Variants in ABCD3 observed in about 807,000 individuals in gnomAD.
ABCD3 encodes ATP-binding cassette sub-family D member 3.
In ABCD3, 41 loss-of-function variants were observed where a neutral mutation model predicts 105.5. The ratio of observed to expected loss-of-function variants is 0.39; its 90% CI spans 0.30 to 0.50. The LOEUF is 0.50. Ranked by LOEUF, ABCD3 falls within the 20% of genes least tolerant of loss-of-function variation. The pLI is 0.84. For synonymous variants in ABCD3, 258 were observed against 269.0 expected (o/e 0.96, Z 0.40); for missense variants, 622 against 806.3 (o/e 0.77, Z 2.77).
the ABCD3 span, among the ~76,000 whole-genome samples, chr1:94,405,081 T>C: frequency 6.6e-6 from 1 of 152,160 alleles, no homozygotes; most frequent in Admixed American, 6.5e-5. Context: ...TGTTCAATAT[T>C]ATGCTATTTC....
upstream of ABCD3, among the ~76,000 whole-genome samples, chr1:94,414,358 T>C (rs1658962738): frequency 6.6e-6 from 1 of 152,190 alleles, no homozygotes; most frequent in African/African-American, 2.4e-5. Context: ...ATGAATTAAT[T>C]ATTTCACCTA....
chr1:94,413,244 G>C, the ABCD3 span, among the ~76,000 whole-genome samples: 2 of 151,204 alleles, frequency 1.3e-5, no homozygotes, highest in African/African-American at 4.9e-5. Flanking sequence ...GAGCAATTTT[G>C]AATTTATCCT....
chr1:94,406,686 A>AT, the ABCD3 span: 86 of 158,780 alleles, frequency 5.4e-4, no homozygotes, highest in African/African-American at 1.6e-3. Flanking sequence ...TCCTGAGAAC[A>AT]TCGTAGACTT....
intron 1 of ABCD3, among the ~76,000 whole-genome samples, chr1:94,441,867 G>A (rs1034020088): frequency 1.1e-4 from 17 of 152,268 alleles, no homozygotes; most frequent in African/African-American, 3.8e-4. Flanking sequence ...AGTAAGAACG[G>A]GGTCAAAAGG....
intron 20 of ABCD3, among the ~76,000 whole-genome samples, chr1:94,503,903 A>ATT: frequency 1.1e-5 from 1 of 92,306 alleles, no homozygotes; most frequent in African/African-American, 3.8e-5. Context: ...GGTACAAGTG[A>ATT]TTCTTTTTTT....
intron 1 of ABCD3, among the ~76,000 whole-genome samples, chr1:94,452,562 G>A (rs1647305175): frequency 6.6e-6 from 1 of 152,130 alleles, no homozygotes; most frequent in East Asian, 1.9e-4. Context: ...AAGTCATTAT[G>A]TACATATTTA....
At chr1:94,405,310 CT>C in the ABCD3 span, among the ~76,000 whole-genome samples, 57,914 of 124,454 alleles carry the variant, frequency 0.47, 11,014 homozygotes, top group Middle Eastern at 0.65. Flanking sequence ...CATTATCAAG[CT>C]TTTTTTTTTT....
At chr1:94,463,484 GCTAA>G (rs1445440040) in intron 2 of ABCD3, among the ~76,000 whole-genome samples, 1 of 152,086 alleles carries the variant, frequency 6.6e-6, no homozygotes, top group East Asian at 1.9e-4. Flanking sequence ...TTACATTATA[GCTAA>G]CTAATAGCGT....
chr1:94,401,292 A>G, the ABCD3 span, among the ~76,000 whole-genome samples: 1,250 of 152,374 alleles, frequency 8.2e-3, 14 homozygotes, highest in African/African-American at 0.028. Flanking sequence ...GTATAGTCGT[A>G]GGCCTGGTGC....
the ABCD3 span, among the ~76,000 whole-genome samples, chr1:94,395,524 G>A: frequency 6.6e-6 from 1 of 152,186 alleles, no homozygotes; most frequent in African/African-American, 2.4e-5. Context: ...GAGACAATCA[G>A]GGGAATAAGT....
At position 94,418,424 on chromosome 1, in the gene ABCD3, C is replaced by CGTA. The variant is rs1659106890; in HGVS notation, c.-54_-53insTAG. The stretch of plus-strand genomic sequence containing the variant: ...CCCGCGCTGCGTGCAGTAAGGTAGC[C>CGTA]GCCGCCGCCGCCGCCGCCGCGTCCC... On this transcript the variant is annotated 5_prime_UTR_variant, in exon 1 of 23. Coordinates refer to ENST00000370214, the MANE Select transcript of ABCD3 (RefSeq NM_002858.4). The CGTA allele has an allele frequency of 1.8e-6, 2 of 1,133,878 alleles. No individual in the cohort carries two copies. The highest frequency in any genetic ancestry group is 6.1e-5 in the East Asian group (2 of 32,830). 70.2% of individuals were successfully genotyped at this position (1,133,878 alleles called of 1,614,324 possible).
chr1:94,457,882 A>G (rs1647656949), intron 1 of ABCD3, among the ~76,000 whole-genome samples: 1 of 152,202 alleles, frequency 6.6e-6, no homozygotes, highest in Non-Finnish European at 1.5e-5. Context: ...TCAGCTTCAG[A>G]GAAACCAGCC....
At chr1:94,493,593 G>A (rs976138196) in intron 16 of ABCD3, among the ~76,000 whole-genome samples, 14 of 151,394 alleles carry the variant, frequency 9.2e-5, no homozygotes, top group Non-Finnish European at 1.5e-4. Flanking sequence ...CCATTACTGG[G>A]TATATACCCA....
the ABCD3 span, among the ~76,000 whole-genome samples, chr1:94,401,504 A>T: frequency 6.6e-6 from 1 of 152,234 alleles, no homozygotes; most frequent in South Asian, 2.1e-4. Flanking sequence ...ATTAACTGTA[A>T]ATCCCACAGG....
At chr1:94,469,572 T>C (rs1266423160) in intron 4 of ABCD3, among the ~76,000 whole-genome samples, 1 of 151,020 alleles carries the variant, frequency 6.6e-6, no homozygotes, top group Non-Finnish European at 1.5e-5. Context: ...TTCTCAGTAT[T>C]GTAATATGGT....
intron 20 of ABCD3, among the ~76,000 whole-genome samples, chr1:94,505,074 G>T (rs888562024): frequency 2.6e-5 from 4 of 152,148 alleles, no homozygotes; most frequent in African/African-American, 7.2e-5. Flanking sequence ...GAAGGGAATG[G>T]ATTTTAGAGG....
chr1:94,391,599 A>G, the ABCD3 span, among the ~76,000 whole-genome samples: 1 of 88,610 alleles, frequency 1.1e-5, no homozygotes, highest in Admixed American at 1.1e-4. Context: ...CAGTTATCAC[A>G]AAGTGCTCAA....
chr1:94,480,865 C>T (rs373913838), intron 9 of ABCD3, among the ~76,000 whole-genome samples: 37 of 152,294 alleles, frequency 2.4e-4, no homozygotes, highest in African/African-American at 8.9e-4. Context: ...AATTTTACTT[C>T]AGACATAATC....
chr1:94,508,450 G>A (rs1169364980), intron 21 of ABCD3, among the ~76,000 whole-genome samples: 1 of 151,820 alleles, frequency 6.6e-6, no homozygotes, highest in Non-Finnish European at 1.5e-5. Flanking sequence ...TGTTCTTTTG[G>A]CTTAGGATTG....
Sources: gnomAD v4.1 joint callset for allele counts (sites outside exome capture counted in the v4.1 genomes callset) on GRCh38, gnomAD v4.1.1 for gene constraint, MANE v1.5 for transcripts, NCBI Gene and HGNC (gene_info 2026-07-23, HGNC 2026-07-21) for gene names.